The following DLG2 variants were observed in gnomAD, a reference collection of about 807,000 sequenced individuals.
DLG2 encodes disks large homolog 2.
A neutral mutation model predicts 132.5 loss-of-function variants in DLG2; 45 were observed. The observed-to-expected ratio is 0.34, with a 90% CI of 0.27 to 0.44. DLG2 has a LOEUF of 0.44. DLG2 is among the 20% of genes least tolerant of loss of function. The pLI, the probability that DLG2 is intolerant of heterozygous loss-of-function variation, is 1.00. For synonymous variants in DLG2, 424 were observed against 419.6 expected, an observed-to-expected ratio of 1.01 and a Z score of -0.13; for missense variants, 1,045 against 1,196.9, an observed-to-expected ratio of 0.87 and a Z score of 1.87.
chr11:85,548,510 G>C (rs1565670338), intron 3 of DLG2, among the ~76,000 whole-genome samples: 1 of 152,238 alleles, frequency 6.6e-6, no homozygotes, highest in African/African-American at 2.4e-5. Flanking sequence ...ATCAGAGCTT[G>C]AATGCTGTGC....
intron 18 of DLG2, among the ~76,000 whole-genome samples, chr11:83,638,381 T>TA (rs1373919049): frequency 6.6e-6 from 1 of 152,184 alleles, no homozygotes; most frequent in East Asian, 1.9e-4. Context: ...TATTAACCTT[T>TA]CTGTGCTTAA....
chr11:83,504,129 CAAAAG>C (rs2094579893), intron 21 of DLG2, among the ~76,000 whole-genome samples: 2 of 152,112 alleles, frequency 1.3e-5, no homozygotes, highest in Non-Finnish European at 2.9e-5. Context: ...ATGTTTTTAA[CAAAAG>C]AAGGAGGAAA....
chr11:84,239,514 T>G (rs2154341927), intron 8 of DLG2, among the ~76,000 whole-genome samples: 1 of 152,246 alleles, frequency 6.6e-6, no homozygotes, highest in South Asian at 2.1e-4. Context: ...CACAATTGTA[T>G]CTGGTGAATA....
At chr11:83,971,031 G>A (rs1047140567) in intron 12 of DLG2, among the ~76,000 whole-genome samples, 2 of 152,154 alleles carry the variant, frequency 1.3e-5, no homozygotes, top group African/African-American at 2.4e-5. Context: ...AAGATAAAGG[G>A]CCTACAGCTG....
chr11:85,613,563 G>C (rs868475764), intron 2 of DLG2, among the ~76,000 whole-genome samples: 1 of 152,170 alleles, frequency 6.6e-6, no homozygotes, highest in African/African-American at 2.4e-5. Flanking sequence ...AGCTCTCTGT[G>C]TCTAGCTAAA....
chr11:84,499,926 G>A (rs746654872), intron 7 of DLG2, among the ~76,000 whole-genome samples: 2 of 152,060 alleles, frequency 1.3e-5, no homozygotes, highest in African/African-American at 4.8e-5. Context: ...CTGATCATGG[G>A]CAAGATTATC....
chr11:85,494,370 T>A (rs564787930), intron 3 of DLG2, among the ~76,000 whole-genome samples: 2 of 152,306 alleles, frequency 1.3e-5, no homozygotes, highest in East Asian at 3.9e-4. Context: ...CTGAACAAAA[T>A]AGCTCAGTGT....
chr11:85,060,467 GTA>G (rs1234434350), intron 6 of DLG2, among the ~76,000 whole-genome samples: 84 of 149,234 alleles, frequency 5.6e-4, no homozygotes, highest in Non-Finnish European at 7.4e-4. Flanking sequence ...GTGTGTGTGT[GTA>G]TATATATGTG....
At chr11:84,412,207 T>C (rs1182117386) in intron 7 of DLG2, among the ~76,000 whole-genome samples, 3 of 151,692 alleles carry the variant, frequency 2.0e-5, no homozygotes, top group Non-Finnish European at 2.9e-5. Context: ...ATGCATGTTA[T>C]AGTTCATAAA....
chr11:84,152,235 T>C (rs1186447629), intron 9 of DLG2, among the ~76,000 whole-genome samples: 1 of 152,204 alleles, frequency 6.6e-6, no homozygotes, highest in Non-Finnish European at 1.5e-5. Context: ...ATGTTTGGTA[T>C]GTATATATTT....
intron 5 of DLG2, chr11:85,133,146 G>T: frequency 1.1e-5 from 2 of 185,526 alleles, no homozygotes; most frequent in Non-Finnish European, 2.3e-5. Flanking sequence ...GTAACACCAA[G>T]CACCAGGGAA....
chr11:84,351,954 CT>C lies in DLG2; in HGVS notation c.520-100664del, dbSNP rs532534148. ...TTCCTGGGCTGAAATATTAGGATTG[CT>C]AGATTCAGATGGGATCTTAAACAAA... On this transcript the variant is annotated intron_variant, in intron 7 of 27. Coordinates refer to ENST00000376104, the MANE Select transcript of DLG2 (RefSeq NM_001142699.3). 2.0e-4 allele frequency among the ~76,000 whole-genome samples: 31 copies of C among 152,240 alleles called. 1 individual carries two copies. In the East Asian group the frequency reaches 5.0e-3, roughly 25 times the overall value.
intron 2 of DLG2, among the ~76,000 whole-genome samples, chr11:85,601,693 T>C (rs1038206321): frequency 5.3e-5 from 8 of 152,146 alleles, no homozygotes; most frequent in African/African-American, 1.9e-4. Context: ...AATTTAATGA[T>C]AAGCTCTTGC....
intron 4 of DLG2, among the ~76,000 whole-genome samples, chr11:85,267,178 A>G (rs141991399): frequency 1.0e-3 from 159 of 152,332 alleles, no homozygotes; most frequent in Non-Finnish European, 2.0e-3. Context: ...TACCCTTACA[A>G]AAAGACATGA....
intron 11 of DLG2, among the ~76,000 whole-genome samples, chr11:84,027,275 G>C (rs549805563): frequency 1.3e-5 from 2 of 152,072 alleles, no homozygotes; most frequent in Non-Finnish European, 2.9e-5. Flanking sequence ...TAAAAGCAGA[G>C]TTTCCACTCC....
intron 7 of DLG2, among the ~76,000 whole-genome samples, chr11:84,407,500 C>G (rs2098861092): frequency 6.6e-6 from 1 of 152,118 alleles, no homozygotes; most frequent in Non-Finnish European, 1.5e-5. Flanking sequence ...GGCCTGCTTC[C>G]CAAAAACCTC....
At chr11:84,128,865 C>T (rs769489958) in intron 9 of DLG2, among the ~76,000 whole-genome samples, 26 of 152,144 alleles carry the variant, frequency 1.7e-4, no homozygotes, top group Non-Finnish European at 3.7e-4. Context: ...AGTACTTCCT[C>T]CAACTTCAGA....
At chr11:83,811,517 A>G (rs948926956) in intron 17 of DLG2, among the ~76,000 whole-genome samples, 1 of 152,192 alleles carries the variant, frequency 6.6e-6, no homozygotes, top group South Asian at 2.1e-4. Context: ...TACAATTTCA[A>G]TTTTTTTCTA....
At chr11:85,587,206 G>T (rs911928106) in intron 3 of DLG2, among the ~76,000 whole-genome samples, 3 of 152,086 alleles carry the variant, frequency 2.0e-5, no homozygotes, top group African/African-American at 7.2e-5. Context: ...GTAAATATTT[G>T]TTAAGTCCAT....
Sources: gnomAD v4.1 joint callset for allele counts (sites outside exome capture counted in the v4.1 genomes callset) on GRCh38, gnomAD v4.1.1 for gene constraint, MANE v1.5 for transcripts, NCBI Gene and HGNC (gene_info 2026-07-23, HGNC 2026-07-21) for gene names.